The following DAB2IP variants were observed in gnomAD, a reference collection of about 807,000 sequenced individuals.
The protein encoded by DAB2IP is DAB2 interacting protein.
DAB2IP carries 28 observed loss-of-function variants against 107.2 expected under a neutral mutation model. The ratio of observed to expected loss-of-function variants is 0.26; its 90% CI spans 0.19 to 0.36. DAB2IP has a LOEUF of 0.36. DAB2IP is among the 10% of genes least tolerant of loss of function. The probability of loss-of-function intolerance (pLI) is 1.00; values close to 1 mark genes in which losing one functional copy is unlikely to be tolerated. For synonymous variants in DAB2IP, 755 were observed against 706.4 expected (o/e 1.07, Z -1.09); for missense variants, 1,400 against 1,644.7 (o/e 0.85, Z 2.57).
intron 1 of DAB2IP, among the ~76,000 whole-genome samples, chr9:121,616,900 C>T (rs1254560753): frequency 1.3e-5 from 2 of 152,192 alleles, no homozygotes; most frequent in Non-Finnish European, 2.9e-5. Context: ...ACCCTGCTGC[C>T]CCAGGCACTG....
chr9:121,601,751 G>A (rs2118954114), intron 1 of DAB2IP, among the ~76,000 whole-genome samples: 1 of 152,284 alleles, frequency 6.6e-6, no homozygotes, highest in Non-Finnish European at 1.5e-5. Flanking sequence ...TAAGAAACAG[G>A]TTTAGAGAGG....
intron 1 of DAB2IP, among the ~76,000 whole-genome samples, chr9:121,670,427 T>C (rs891574141): frequency 6.6e-6 from 1 of 152,252 alleles, no homozygotes; most frequent in African/African-American, 2.4e-5. Flanking sequence ...GCAGGCTGCG[T>C]TCTTTTCTAA....
chr9:121,636,304 C>A (rs1489526783), intron 1 of DAB2IP, among the ~76,000 whole-genome samples: 1 of 152,222 alleles, frequency 6.6e-6, no homozygotes, highest in Non-Finnish European at 1.5e-5. Context: ...CCTGGCCAGA[C>A]CTCCTGCTCT....
At chr9:121,654,992 G>T (rs1332904287) in intron 1 of DAB2IP, among the ~76,000 whole-genome samples, 2 of 152,194 alleles carry the variant, frequency 1.3e-5, no homozygotes, top group Non-Finnish European at 2.9e-5. Context: ...CCCTGGTAGG[G>T]CTGTGAGTGA....
At chr9:121,743,672 C>T (rs113098173) in intron 3 of DAB2IP, among the ~76,000 whole-genome samples, 3,574 of 152,292 alleles carry the variant, frequency 0.023, 152 homozygotes, top group African/African-American at 0.081. Context: ...AAGGCTCGCC[C>T]GGCCACTCGG....
chr9:121,614,164 C>T (rs1232467781), intron 1 of DAB2IP, among the ~76,000 whole-genome samples: 2 of 152,124 alleles, frequency 1.3e-5, no homozygotes, highest in Non-Finnish European at 2.9e-5. Flanking sequence ...CAATGCCTGG[C>T]ACATGGTAAG....
intron 1 of DAB2IP, among the ~76,000 whole-genome samples, chr9:121,672,352 C>G (rs920999697): frequency 1.3e-5 from 2 of 152,138 alleles, no homozygotes; most frequent in Non-Finnish European, 2.9e-5. Context: ...GCGATGCAAC[C>G]CGACAACTGA....
chr9:121,635,257 C>T lies in DAB2IP; in HGVS notation c.41-43421C>T, dbSNP rs920405219. ...CTAATTCAATGCCTAAAAATAACCT[C>T]GGACCTGGTAGGGCACTTCAGAAAT... On this transcript the variant is annotated intron_variant, in intron 1 of 16. Transcript: ENST00000259371. The surrounding 1 kb of genome is among the most constrained non-coding windows in gnomAD (Gnocchi z 4.3). Among the ~76,000 whole-genome samples the T allele has an allele frequency of 3.3e-5, 5 of 152,186 alleles. No individual in the cohort carries two copies. Among genetic ancestry groups the T allele is most frequent in the African/African-American group, 9.7e-5 (4 of 41,432 alleles).
At chr9:121,640,060 G>C (rs1451739738) in intron 1 of DAB2IP, among the ~76,000 whole-genome samples, 3 of 152,176 alleles carry the variant, frequency 2.0e-5, no homozygotes, top group Non-Finnish European at 2.9e-5. Context: ...GAGGGCATGG[G>C]GTCGGCTGGC....
At chr9:121,678,739 C>T in exon 2 of DAB2IP, 1 of 1,599,768 alleles carries the variant, frequency 6.3e-7, no homozygotes, top group Non-Finnish European at 8.5e-7. Flanking sequence ...CCGAGAAGAG[C>T]CCCAGCATGG....
chr9:121,719,213 G>A (rs1438760664), intron 3 of DAB2IP, among the ~76,000 whole-genome samples: 1 of 152,198 alleles, frequency 6.6e-6, no homozygotes, highest in African/African-American at 2.4e-5. Flanking sequence ...CAGATGGGCA[G>A]CTGAGGCCAG....
chr9:121,670,601 C>CT lies in DAB2IP; in HGVS notation c.125-8076dup, dbSNP rs1446008163. 3.3e-5 allele frequency among the ~76,000 whole-genome samples: 5 copies of CT among 152,008 alleles called. No homozygotes were observed. In the East Asian group the frequency reaches 1.0e-3, roughly 31 times the overall value. ...CACATTCCTTGGCTCGTGACCACCTCTGTCTGTGTCAAAGCTGGCAACAGC... is the reference window on the plus strand; with the variant it reads ...CACATTCCTTGGCTCGTGACCACCTCTTGTCTGTGTCAAAGCTGGCAACAGC... On this transcript the variant is annotated intron_variant, in intron 1 of 15. Coordinates refer to ENST00000408936, the Ensembl canonical transcript of DAB2IP.
intron 1 of DAB2IP, among the ~76,000 whole-genome samples, chr9:121,622,755 GC>G (rs890523104): frequency 9.9e-5 from 15 of 152,148 alleles, no homozygotes; most frequent in African/African-American, 3.4e-4. Context: ...CCCACCCCCT[GC>G]CCCCAGGAGG....
At chr9:121,591,240 G>A (rs1320485609) in intron 1 of DAB2IP, among the ~76,000 whole-genome samples, 2 of 152,168 alleles carry the variant, frequency 1.3e-5, no homozygotes, top group African/African-American at 2.4e-5. Flanking sequence ...AGGCTAAGGC[G>A]GGTGGATCAC....
chr9:121,709,026 C>T (rs941338232), intron 3 of DAB2IP, among the ~76,000 whole-genome samples: 1 of 152,200 alleles, frequency 6.6e-6, no homozygotes, highest in Non-Finnish European at 1.5e-5. Flanking sequence ...TCTAAAACCC[C>T]GTCCCCCACA....
intron 8 of DAB2IP, 121 bp downstream of exon 8, chr9:121,764,000 C>T: frequency 7.3e-7 from 1 of 1,373,450 alleles, no homozygotes; most frequent in Non-Finnish European, 9.9e-7. Context: ...TGCCAGTCCC[C>T]TGGCCTAGTC....
At chr9:121,731,897 C>T (rs1402549498) in intron 3 of DAB2IP, among the ~76,000 whole-genome samples, 2 of 152,070 alleles carry the variant, frequency 1.3e-5, no homozygotes, top group African/African-American at 4.8e-5. Flanking sequence ...TGAACTTAGG[C>T]CTCGGACCTC....
intron 1 of DAB2IP, among the ~76,000 whole-genome samples, chr9:121,658,473 G>A (rs1018078063): frequency 6.6e-6 from 1 of 152,204 alleles, no homozygotes; most frequent in Non-Finnish European, 1.5e-5. Context: ...TCGCGTGCCC[G>A]CTCTAGGAGT....
chr9:121,592,604 T>G (rs1174212536), intron 1 of DAB2IP, among the ~76,000 whole-genome samples: 4 of 152,190 alleles, frequency 2.6e-5, no homozygotes, highest in Non-Finnish European at 5.9e-5. Flanking sequence ...CCTGTCAACT[T>G]TATATATTTG....
Sources: allele counts gnomAD v4.1 joint callset (sites outside exome capture counted in the v4.1 genomes callset), GRCh38; gene constraint gnomAD v4.1.1; non-coding constraint Gnocchi (gnomAD v3.1); transcripts MANE v1.5; gene names NCBI Gene and HGNC (gene_info 2026-07-23, HGNC 2026-07-21).